TDRD3: variants seen among roughly 807,000 people sequenced by gnomAD.
TDRD3 encodes tudor domain containing 3, also known as tudor domain-containing protein 3.
A neutral mutation model predicts 86.7 loss-of-function variants in TDRD3; 45 were observed. The observed-to-expected ratio is 0.52, with a 90% CI of 0.41 to 0.67. TDRD3 has a LOEUF of 0.67. TDRD3 is among the 30% of genes least tolerant of loss of function. The pLI is 0.00. For synonymous variants in TDRD3, 298 were observed against 301.7 expected, an observed-to-expected ratio of 0.99 and a Z score of 0.13; for missense variants, 814 against 889.0, an observed-to-expected ratio of 0.92 and a Z score of 1.07.
At chr13:60,530,616 AT>A (rs746006256) in intron 11 of TDRD3, among the ~76,000 whole-genome samples, 1,777 of 124,962 alleles carry the variant, frequency 0.014, 16 homozygotes, top group African/African-American at 0.031. Context: ...AATTTTTTGT[AT>A]TTTTTTTTTT....
chr13:60,530,647 G>A (rs1365013627), intron 11 of TDRD3, among the ~76,000 whole-genome samples: 1 of 150,384 alleles, frequency 6.6e-6, no homozygotes, highest in African/African-American at 2.4e-5. Flanking sequence ...TAGAGACAGG[G>A]TTTCACCATG....
At chr13:60,433,737 C>T (rs886082563) in intron 1 of TDRD3, among the ~76,000 whole-genome samples, 1 of 152,216 alleles carries the variant, frequency 6.6e-6, no homozygotes, top group African/African-American at 2.4e-5. Flanking sequence ...TCAAATCTGA[C>T]GCAGTAACTG....
At chr13:60,427,920 G>A (rs1009821796) in intron 1 of TDRD3, among the ~76,000 whole-genome samples, 1 of 152,158 alleles carries the variant, frequency 6.6e-6, no homozygotes, top group African/African-American at 2.4e-5. Context: ...ATTACCACAA[G>A]CTGGGTGGCT....
At chr13:60,421,482 G>A (rs1954657645) in intron 1 of TDRD3, among the ~76,000 whole-genome samples, 1 of 152,178 alleles carries the variant, frequency 6.6e-6, no homozygotes, top group African/African-American at 2.4e-5. Flanking sequence ...TTTGGGTGGG[G>A]ACACAGCCAA....
chr13:60,399,578 G>A (rs1469536564), intron 1 of TDRD3, among the ~76,000 whole-genome samples: 1 of 152,186 alleles, frequency 6.6e-6, no homozygotes, highest in Non-Finnish European at 1.5e-5. Flanking sequence ...GCAGAAAAGA[G>A]CACTGGAGGG....
At chr13:60,397,713 C>T (rs919117766) in intron 1 of TDRD3, among the ~76,000 whole-genome samples, 9 of 150,592 alleles carry the variant, frequency 6.0e-5, no homozygotes, top group African/African-American at 2.2e-4. Context: ...CGGCCCAGAC[C>T]CCGGCCGACC....
At chr13:60,536,630 C>A (rs1222777452) in intron 12 of TDRD3, 1 of 151,972 alleles carries the variant, frequency 6.6e-6, no homozygotes, top group Admixed American at 6.6e-5. Flanking sequence ...TTGTTTTTAG[C>A]CATAGCAGTC....
chr13:60,478,291 A>ATTTTTT (rs34449105), intron 5 of TDRD3, among the ~76,000 whole-genome samples: 1 of 74,300 alleles, frequency 1.3e-5, no homozygotes, highest in Non-Finnish European at 2.4e-5. Flanking sequence ...CAGTCTACCA[A>ATTTTTT]TTTTTTTTTT....
chr13:60,512,970 T>G (rs1957091581), intron 10 of TDRD3, among the ~76,000 whole-genome samples: 1 of 152,218 alleles, frequency 6.6e-6, no homozygotes, highest in African/African-American at 2.4e-5. Flanking sequence ...GGACTCTGAC[T>G]CCACATTTCC....
intron 6 of TDRD3, among the ~76,000 whole-genome samples, chr13:60,484,161 A>G (rs1157942053): frequency 2.0e-5 from 3 of 152,108 alleles, no homozygotes; most frequent in South Asian, 2.1e-4. Context: ...ACAAAAATAC[A>G]TCATAATTTC....
intron 2 of TDRD3, among the ~76,000 whole-genome samples, chr13:60,440,542 G>A (rs138808765): frequency 4.8e-4 from 73 of 152,156 alleles, no homozygotes; most frequent in African/African-American, 1.7e-3. Flanking sequence ...TTAGCTGGGC[G>A]TGGTAGTGTG....
At chr13:60,556,009 C>T (rs1423110339) in intron 12 of TDRD3, among the ~76,000 whole-genome samples, 1 of 151,918 alleles carries the variant, frequency 6.6e-6, no homozygotes, top group East Asian at 1.9e-4. Context: ...CGCCACCATG[C>T]CCAGCTAATT....
intron 8 of TDRD3, among the ~76,000 whole-genome samples, chr13:60,497,338 C>T (rs989253961): frequency 6.6e-5 from 10 of 152,130 alleles, no homozygotes; most frequent in Admixed American, 2.0e-4. Context: ...GGGTTTAGAT[C>T]CCGATCATTG....
intron 12 of TDRD3, chr13:60,535,829 A>T (rs9538740): frequency 1.3e-5 from 2 of 152,142 alleles, no homozygotes; most frequent in Admixed American, 1.3e-4. Flanking sequence ...TTACTGACTC[A>T]TGGAGTCCAT....
intron 3 of TDRD3, 129 bp from the exon 4 acceptor site, chr13:60,460,251 C>A: frequency 1.3e-6 from 1 of 782,708 alleles, no homozygotes; most frequent in Non-Finnish European, 1.8e-6. Context: ...CAGTTTCAAT[C>A]TTAATTGAAG....
At chr13:60,472,773 C>T (rs1028981636) in intron 5 of TDRD3, among the ~76,000 whole-genome samples, 1 of 152,044 alleles carries the variant, frequency 6.6e-6, no homozygotes, top group African/African-American at 2.4e-5. Context: ...TATAAAAAGA[C>T]AAATACTGTG....
At chr13:60,469,644 A>C (rs924998189) in intron 5 of TDRD3, among the ~76,000 whole-genome samples, 1 of 152,212 alleles carries the variant, frequency 6.6e-6, no homozygotes, top group African/African-American at 2.4e-5. Flanking sequence ...TGGTAGCCAC[A>C]GCAATGTAGG....
intron 3 of TDRD3, 22 bp from the exon 4 acceptor site, chr13:60,460,358 T>G: frequency 6.4e-7 from 1 of 1,563,324 alleles, no homozygotes; most frequent in Non-Finnish European, 8.6e-7. Context: ...AAAGTGATTT[T>G]TATTCTTTTC....
chr13:60,429,463 T>G (rs1954898133), intron 1 of TDRD3, among the ~76,000 whole-genome samples: 1 of 152,312 alleles, frequency 6.6e-6, no homozygotes, highest in East Asian at 1.9e-4. Context: ...TTACTAGCTC[T>G]TTCTTGACAT....
Sources: allele counts gnomAD v4.1 joint callset (sites outside exome capture counted in the v4.1 genomes callset), GRCh38; gene constraint gnomAD v4.1.1; transcripts MANE v1.5; gene names NCBI Gene and HGNC (gene_info 2026-07-23, HGNC 2026-07-21).